Variants in OPA3 observed in about 807,000 individuals in gnomAD.
OPA3 encodes the protein optic atrophy 3 protein.
A neutral mutation model predicts 4.0 loss-of-function variants in OPA3; 6 were observed. The ratio of observed to expected loss-of-function variants is 1.51; its 90% confidence interval spans 0.83 to 2.99. The LOEUF (loss-of-function observed/expected upper bound fraction) is 2.99, where lower values mean the gene tolerates loss of function less well. Among genes scored for constraint, OPA3 ranks in the 30% most tolerant of loss-of-function variants. OPA3 has a pLI of 0.00. For synonymous variants in OPA3, 105 were observed against 117.1 expected (o/e 0.90, Z 0.67); for missense variants, 235 against 256.2 (o/e 0.92, Z 0.56).
At chr19:45,555,018 CTGACCTCG>C (rs1969399676) in intron 1 of OPA3, among the ~76,000 whole-genome samples, 1 of 152,184 alleles carries the variant, frequency 6.6e-6, no homozygotes, top group Non-Finnish European at 1.5e-5. Flanking sequence ...TCTCGATCAT[CTGACCTCG>C]TGATCCACCT....
chr19:45,567,971 C>A (rs1040421463), intron 1 of OPA3, among the ~76,000 whole-genome samples: 1 of 152,086 alleles, frequency 6.6e-6, no homozygotes, highest in African/African-American at 2.4e-5. Context: ...CAGATGTGAT[C>A]CAGTCAGATG....
At chr19:45,572,645 G>A (rs1242421048) in intron 1 of OPA3, among the ~76,000 whole-genome samples, 2 of 118,352 alleles carry the variant, frequency 1.7e-5, no homozygotes, top group African/African-American at 3.1e-5. Flanking sequence ...TATATATATC[G>A]ATATATATCA....
chr19:45,539,399 C>A (rs1349052278), intron 1 of OPA3, among the ~76,000 whole-genome samples: 4 of 152,132 alleles, frequency 2.6e-5, no homozygotes, highest in African/African-American at 9.7e-5. Flanking sequence ...CAAGACCAAC[C>A]TGGGCAACAT....
chr19:45,567,556 G>A (rs1301674785), intron 1 of OPA3, among the ~76,000 whole-genome samples: 2 of 152,024 alleles, frequency 1.3e-5, no homozygotes, highest in Non-Finnish European at 2.9e-5. Flanking sequence ...GAGTAATGAC[G>A]ATGTTTTATA....
rs544374305 is a variant in OPA3 at position 45,566,352 on chromosome 19, G to C, written c.143-12441C>G. Among the ~76,000 whole-genome samples, 283 of 152,162 alleles carry C rather than the reference G, an allele frequency of 1.9e-3. 1 individual carries two copies. Among genetic ancestry groups the C allele is most frequent in the African/African-American group, 6.6e-3 (274 of 41,518 alleles). ...TTTAGTAGAGTTAGGGCTCTGCCAT[G>C]TTGGCCAGGCTGGTCTCTAACTCCT... On this transcript the variant is annotated intron_variant, in intron 1 of 1. Transcript: ENST00000263275.
At chr19:45,540,181 G>A (rs1355232942) in intron 1 of OPA3, among the ~76,000 whole-genome samples, 1 of 151,996 alleles carries the variant, frequency 6.6e-6, no homozygotes, top group Non-Finnish European at 1.5e-5. Flanking sequence ...GCCGGGTGTG[G>A]TGGCGTGCAC....
intron 1 of OPA3, among the ~76,000 whole-genome samples, chr19:45,578,304 C>T (rs1969797124): frequency 2.0e-5 from 3 of 152,142 alleles, no homozygotes; most frequent in Admixed American, 2.0e-4. Flanking sequence ...TAAACTGCTC[C>T]TAAGATCAGT....
intron 1 of OPA3, among the ~76,000 whole-genome samples, chr19:45,582,280 C>T (rs767828008): frequency 6.6e-5 from 10 of 151,990 alleles, no homozygotes; most frequent in Non-Finnish European, 1.3e-4. Context: ...ATGCTCCAGC[C>T]TCCCGAGTAG....
At chr19:45,543,677 G>A (rs2122402772), downstream of OPA3, among the ~76,000 whole-genome samples, 1 of 152,036 alleles carries the variant, frequency 6.6e-6, no homozygotes, top group East Asian at 1.9e-4. Context: ...ATGTTGCCCA[G>A]GCTGTTCTCT....
intron 1 of OPA3, among the ~76,000 whole-genome samples, chr19:45,567,376 C>T (rs989185811): frequency 6.1e-5 from 9 of 147,882 alleles, no homozygotes; most frequent in African/African-American, 2.2e-4. Flanking sequence ...AAGAAATGAA[C>T]TATTGATACA....
Position 45,569,331 on chromosome 19 carries a change from CA to C in OPA3, c.142+15291del, listed in dbSNP as rs541097427. On this transcript the variant is annotated intron_variant, in intron 1 of 1. Coordinates refer to ENST00000263275, the MANE Select transcript of OPA3 (RefSeq NM_025136.4). ...AAAATTAGCTGGGCGTGGTGGCGGG[CA>C]CCTGTAGTCACAGCTATTCAGGAGG... Among the ~76,000 whole-genome samples the C allele has an allele frequency of 2.6e-3, 396 of 152,248 alleles. 3 individuals are homozygous for C. The highest frequency in any genetic ancestry group is 9.2e-3 in the African/African-American group (384 of 41,538).
At chr19:45,562,761 GA>G (rs2122467581) in intron 1 of OPA3, among the ~76,000 whole-genome samples, 2 of 152,332 alleles carry the variant, frequency 1.3e-5, no homozygotes, top group African/African-American at 4.8e-5. Context: ...GGAACAGGCA[GA>G]AAAGGACACC....
At chr19:45,536,808 C>G (rs938025536) in intron 1 of OPA3, among the ~76,000 whole-genome samples, 1 of 152,050 alleles carries the variant, frequency 6.6e-6, no homozygotes, top group African/African-American at 2.4e-5. Flanking sequence ...TTTTAAGACA[C>G]GTTGGATCAC....
intron 1 of OPA3, among the ~76,000 whole-genome samples, chr19:45,562,728 C>T (rs1298788836): frequency 6.6e-6 from 1 of 152,094 alleles, no homozygotes; most frequent in Non-Finnish European, 1.5e-5. Context: ...CCTAAATGAA[C>T]GTGCATTTCT....
At chr19:45,542,647 G>T (rs11879934), downstream of OPA3, among the ~76,000 whole-genome samples, 109,464 of 148,074 alleles carry the variant, frequency 0.74, 40,587 homozygotes, top group South Asian at 0.87. Flanking sequence ...ATGTGGTACA[G>T]TACTTCACTG....
downstream of OPA3, among the ~76,000 whole-genome samples, chr19:45,542,843 T>G (rs1969202434): frequency 1.3e-5 from 2 of 151,670 alleles, no homozygotes; most frequent in South Asian, 4.2e-4. Context: ...CTGGCTAATT[T>G]TAGTACTTTT....
At chr19:45,573,812 G>C (rs1354668726) in intron 1 of OPA3, among the ~76,000 whole-genome samples, 5 of 152,236 alleles carry the variant, frequency 3.3e-5, no homozygotes, top group Non-Finnish European at 7.3e-5. Context: ...GCAAGGATCT[G>C]AGTGCACGAA....
At chr19:45,572,671 G>GAT (rs1483873953) in intron 1 of OPA3, among the ~76,000 whole-genome samples, 1 of 110,732 alleles carries the variant, frequency 9.0e-6, no homozygotes, top group Non-Finnish European at 2.0e-5. Context: ...ATCTATATGA[G>GAT]ATATATATCT....
At chr19:45,578,513 C>T (rs1344778532) in intron 1 of OPA3, among the ~76,000 whole-genome samples, 1 of 151,568 alleles carries the variant, frequency 6.6e-6, no homozygotes, top group Non-Finnish European at 1.5e-5. Flanking sequence ...CTTCCCCTCA[C>T]CCACCAAGTT....
Sources: allele counts gnomAD v4.1 joint callset (sites outside exome capture counted in the v4.1 genomes callset), GRCh38; gene constraint gnomAD v4.1.1; transcripts MANE v1.5; gene names NCBI Gene and HGNC (gene_info 2026-07-23, HGNC 2026-07-21).